LHX5: variants seen among roughly 807,000 people sequenced by gnomAD.
LHX5 encodes LIM/homeobox protein Lhx5.
A neutral mutation model predicts 30.6 loss-of-function variants in LHX5; 5 were observed. That is an observed-to-expected ratio of 0.16 (90% confidence interval 0.09 to 0.34). The LOEUF (loss-of-function observed/expected upper bound fraction) is 0.34, where lower values mean the gene tolerates loss of function less well. Among genes scored for constraint, LHX5 ranks in the 10% least tolerant of loss-of-function variants. LHX5 has a pLI of 1.00. For missense variants in LHX5, 458 were observed against 570.6 expected (o/e 0.80, Z 2.01); for synonymous variants, 266 against 252.6 (o/e 1.05, Z -0.50).
In LHX5 at chr12:113,470,496, G is replaced by T. The variant is rs144961326; in HGVS notation, c.173+830C>A. Reference sequence around the variant, plus strand: ...CCATTCAAATTCTCAGTGCGGAGTCGCTGGGGCCGGCAGGCTGCCTTTCTC... The same window carrying T: ...CCATTCAAATTCTCAGTGCGGAGTCTCTGGGGCCGGCAGGCTGCCTTTCTC... On this transcript the variant is annotated intron_variant, in intron 1 of 4. Coordinates refer to ENST00000261731, the MANE Select transcript of LHX5 (RefSeq NM_022363.3). Among the ~76,000 whole-genome samples the T allele has an allele frequency of 3.4e-3, 523 of 152,314 alleles. 1 individual carries two copies. Among genetic ancestry groups the T allele is most frequent in the South Asian group, 7.9e-3 (38 of 4,824 alleles).
intron 2 of LHX5, among the ~76,000 whole-genome samples, chr12:113,468,636 C>T (rs1958229020): frequency 6.6e-6 from 1 of 152,330 alleles, no homozygotes; most frequent in South Asian, 2.1e-4. Context: ...CCTCTCCGCG[C>T]GTCTCAGCTA....
rs765838906 is a variant in LHX5, at chr12:113,466,017, G to T, written c.841+1239C>A. ...CTAGGGGCCCCGGTCCGGTCTCAAG[G>T]TCTAATCCCCCCTCAGGCTTCCGGA... is the stretch of plus-strand genomic sequence containing the variant. On this transcript the variant is annotated intron_variant, in intron 4 of 4. Transcript: ENST00000261731. The surrounding 1 kb of genome is among the most constrained non-coding windows in gnomAD (Gnocchi z 6.5). 6.6e-6 allele frequency among the ~76,000 whole-genome samples: 1 copy of T among 152,304 alleles called. No homozygotes were observed. Among genetic ancestry groups the T allele is most frequent in the African/African-American group, 2.4e-5 (1 of 41,562 alleles).
In LHX5 at chr12:113,466,542, C is replaced by A. The variant is rs981191739; in HGVS notation, c.841+714G>T. Reference sequence around the variant, plus strand: ...ATCTGGGGTTGGCCCAACACTTGTGCCCCCAGTCTGTAGGAACCCCAGGGG... The same window carrying A: ...ATCTGGGGTTGGCCCAACACTTGTGACCCCAGTCTGTAGGAACCCCAGGGG... On this transcript the variant is annotated intron_variant, in intron 4 of 4. Coordinates refer to ENST00000261731, the MANE Select transcript of LHX5 (RefSeq NM_022363.3). The surrounding 1 kb of genome is among the most constrained non-coding windows in gnomAD (Gnocchi z 6.5). Among the ~76,000 whole-genome samples the A allele has an allele frequency of 6.6e-6, 1 of 152,184 alleles. No individual in the cohort carries two copies. The highest frequency in any genetic ancestry group is 2.4e-5 in the African/African-American group (1 of 41,426).
At position 113,468,397 on chromosome 12, in the gene LHX5, G is replaced by A; in HGVS notation, c.405C>T (p.Ser135=). ...CCGGGGACAAACTGCGGTCCGTACA[G>A]GATGACACTGCGGGCGGACGGATCG... ...LKEGSLNSVS[S]CTDRSLSPDL... is the part of the protein sequence containing the mutation. The change falls in exon 3 of 5, where the codon TCC becomes TCT. Residue 135 remains serine (S), a synonymous_variant. Coordinates refer to ENST00000261731, the MANE Select transcript of LHX5 (RefSeq NM_022363.3). 1 of 1,607,408 alleles carries A rather than the reference G, an allele frequency of 6.2e-7. No homozygotes were observed. Among genetic ancestry groups the A allele is most frequent in the Non-Finnish European group, 8.5e-7 (1 of 1,174,648 alleles).
chr12:113,463,292 G>C lies in LHX5; in HGVS notation c.1107C>G (p.Phe369Leu). 1 of 1,530,000 alleles carries C rather than the reference G, an allele frequency of 6.5e-7. No individual in the cohort carries two copies. Among genetic ancestry groups the C allele is most frequent in the Non-Finnish European group, 8.8e-7 (1 of 1,141,496 alleles). 94.8% of individuals were successfully genotyped at this position (1,530,000 alleles called of 1,614,324 possible). ...GGAAGGGCGGGCTGGGCCCGCCGCT[G>C]AATACCTCGCCGGGCATGGGGTGCA... ...GTLHPMPGEV[F>L]SGGPSPPFPM... Residue 369 changes from phenylalanine to leucine, a missense_variant, in exon 5 of 5, where the codon TTC (phenylalanine) becomes TTG (leucine). Coordinates refer to ENST00000261731, the MANE Select transcript of LHX5 (RefSeq NM_022363.3). The surrounding 1 kb of genome is among the most constrained non-coding windows in gnomAD (Gnocchi z 6.7).
rs1958179296 is a variant in LHX5 at position 113,462,432 on chromosome 12, C to G, written c.*758G>C. The G allele has an allele frequency of 6.6e-6, 1 of 152,240 alleles. No homozygotes were observed. Among genetic ancestry groups the G allele is most frequent in the Non-Finnish European group, 1.5e-5 (1 of 68,054 alleles). 9.4% of individuals were successfully genotyped at this position (152,240 alleles called of 1,614,324 possible). A position where few individuals can be genotyped will look rare whatever the true frequency, so the allele number is the denominator to read the frequency against. On this transcript the variant is annotated 3_prime_UTR_variant, in exon 5 of 5. Coordinates refer to ENST00000261731, the MANE Select transcript of LHX5 (RefSeq NM_022363.3). ...CGTGTTCGAGTCCGGCCTGCTCCCT[C>G]GGGCTCAACATAAACGTCAAAGTAA...
In LHX5 at chr12:113,463,708, C is replaced by G; in HGVS notation, c.842-151G>C. 4 of 772,938 alleles carry G rather than the reference C, an allele frequency of 5.2e-6. No homozygotes were observed. The highest frequency in any genetic ancestry group is 8.0e-6 in the Non-Finnish European group (4 of 502,848). The allele number at this position is 772,938 out of a possible 1,614,324, so 47.9% of individuals were successfully genotyped here. ...TAGAGAGACCTGCGGAGGCCGGCGCCCCTTGAGACGGTGGACGTCGCAGGC... is the reference window on the plus strand; with the variant it reads ...TAGAGAGACCTGCGGAGGCCGGCGCGCCTTGAGACGGTGGACGTCGCAGGC... On this transcript the variant is annotated intron_variant, in intron 4 of 4. Coordinates refer to ENST00000261731, the MANE Select transcript of LHX5 (RefSeq NM_022363.3). The surrounding 1 kb of genome is among the most constrained non-coding windows in gnomAD (Gnocchi z 6.7).
In LHX5 at chr12:113,467,473, C is replaced by A. The variant is rs777097571; in HGVS notation, c.676-52G>T. ...CCAGGATCAGGAGTGTCCTCTCCCC[C>A]CCTCTTCTCCCTTCCCTGACTGGGC... is the stretch of plus-strand genomic sequence containing the variant. On this transcript the variant is annotated intron_variant, in intron 3 of 4. Coordinates refer to ENST00000261731, the MANE Select transcript of LHX5 (RefSeq NM_022363.3). The surrounding 1 kb of genome is among the most constrained non-coding windows in gnomAD (Gnocchi z 6.3). 48 of 1,371,284 alleles carry A rather than the reference C, an allele frequency of 3.5e-5. No homozygotes were observed. The highest frequency in any genetic ancestry group is 4.5e-5 in the Non-Finnish European group (47 of 1,045,332). The allele number at this position is 1,371,284 out of a possible 1,614,324, so 84.9% of individuals were successfully genotyped here.
Position 113,466,726 on chromosome 12 carries a change from A to T in LHX5, c.841+530T>A, listed in dbSNP as rs1361784359. Among the ~76,000 whole-genome samples the T allele has an allele frequency of 1.3e-5, 2 of 152,046 alleles. No homozygotes were observed. The highest frequency in any genetic ancestry group is 1.5e-5 in the Non-Finnish European group (1 of 68,000). On this transcript the variant is annotated intron_variant, in intron 4 of 4. Coordinates refer to ENST00000261731, the MANE Select transcript of LHX5 (RefSeq NM_022363.3). The surrounding 1 kb of genome is among the most constrained non-coding windows in gnomAD (Gnocchi z 6.5). The stretch of plus-strand genomic sequence containing the variant: ...CGGCTTGGAATGAATCCAGACCCCC[A>T]TCCCCTCCCCTCACACTACCCTCCA...
At position 113,467,674 on chromosome 12, in the gene LHX5, C is replaced by A. The variant is rs1256087723; in HGVS notation, c.676-253G>T. Among the ~76,000 whole-genome samples, 1 of 152,222 alleles carries A rather than the reference C, an allele frequency of 6.6e-6. No individual in the cohort carries two copies. The highest frequency in any genetic ancestry group is 1.5e-5 in the Non-Finnish European group (1 of 68,034). On this transcript the variant is annotated intron_variant, in intron 3 of 4. Transcript: ENST00000261731. This position sits in a 1 kb window ranked among gnomAD's most constrained non-coding sequence, Gnocchi z 6.3. Reference sequence around the variant, plus strand: ...TGGGCTTCCTGGTCCCCGGCTCGCCCGCGGCCTGACGGCTCTATAAAGGCC... The same window carrying A: ...TGGGCTTCCTGGTCCCCGGCTCGCCAGCGGCCTGACGGCTCTATAAAGGCC...
At chr12:113,471,292 GGC>G in intron 1 of LHX5, 32 bp downstream of exon 1, 1 of 1,606,482 alleles carries the variant, frequency 6.2e-7, no homozygotes, top group Non-Finnish European at 8.5e-7. Flanking sequence ...GCGCAGGGTG[GGC>G]GCGCAGGCAG....
At position 113,465,968 on chromosome 12, in the gene LHX5, A is replaced by T. The variant is rs1991309; in HGVS notation, c.841+1288T>A. Among the ~76,000 whole-genome samples the T allele has an allele frequency of 2.7e-3, 417 of 152,202 alleles. No homozygotes were observed. The highest frequency in any genetic ancestry group is 3.4e-3 in the Non-Finnish European group (228 of 67,988). On this transcript the variant is annotated intron_variant, in intron 4 of 4. Coordinates refer to ENST00000261731, the MANE Select transcript of LHX5 (RefSeq NM_022363.3). This position sits in a 1 kb window ranked among gnomAD's most constrained non-coding sequence, Gnocchi z 6.7. ...CTGGGGTCTCTGCCCTGAAAAGCAC[A>T]GCCTGGCATTTTGCCCACAATTTCT...
At chr12:113,468,030 C>A (rs1958225371) in intron 3 of LHX5, 97 bp downstream of exon 3, 2 of 1,426,562 alleles carry the variant, frequency 1.4e-6, no homozygotes, top group Non-Finnish European at 9.2e-7. Context: ...CAGAACCAGG[C>A]GCGCTCGTAG....
rs1162736737 is a variant in LHX5, at chr12:113,465,379, G to C, written c.842-1822C>G. ...CGCCGCCTCCGCCCATATGGCGGCC[G>C]GGCCGGAGGTAATTGGAACAAACGC... On this transcript the variant is annotated intron_variant, in intron 4 of 4. Coordinates refer to ENST00000261731, the MANE Select transcript of LHX5 (RefSeq NM_022363.3). The surrounding 1 kb of genome is among the most constrained non-coding windows in gnomAD (Gnocchi z 6.7). 1.3e-5 allele frequency among the ~76,000 whole-genome samples: 2 copies of C among 152,316 alleles called. No individual in the cohort carries two copies. Among genetic ancestry groups the C allele is most frequent in the East Asian group, 1.9e-4 (1 of 5,164 alleles).
In LHX5 at chr12:113,469,162, G is replaced by A. The variant is rs1291998136; in HGVS notation, c.357C>T (p.Tyr119=). 3 of 1,614,174 alleles carry A rather than the reference G, an allele frequency of 1.9e-6. No homozygotes were observed. Among genetic ancestry groups the A allele is most frequent in the Non-Finnish European group, 2.5e-6 (3 of 1,180,026 alleles). Residue 119 remains tyrosine, a synonymous_variant, in exon 2 of 5, where the codon TAC becomes TAT. Transcript: ENST00000261731. ...CCTCCTTGAGGCTGGATGAGCTCAGGTAGTCGTCTTTGCACACGAACTTGT... is the reference window on the plus strand; with the variant it reads ...CCTCCTTGAGGCTGGATGAGCTCAGATAGTCGTCTTTGCACACGAACTTGT... ...DENKFVCKDD[Y]LSSSSLKEGS... is the part of the protein sequence containing the mutation.
At chr12:113,468,092 C>G (rs765371607) in intron 3 of LHX5, 35 bp downstream of exon 3, 44 of 1,481,178 alleles carry the variant, frequency 3.0e-5, no homozygotes, top group Non-Finnish European at 3.8e-5. Context: ...CCCAGGCCAG[C>G]GGGGCTAAGG....
chr12:113,464,888 C>T lies in LHX5; in HGVS notation c.842-1331G>A, dbSNP rs913073774. Among the ~76,000 whole-genome samples the T allele has an allele frequency of 6.6e-6, 1 of 152,204 alleles. No individual in the cohort carries two copies. Among genetic ancestry groups the T allele is most frequent in the African/African-American group, 2.4e-5 (1 of 41,452 alleles). On this transcript the variant is annotated intron_variant, in intron 4 of 4. Coordinates refer to ENST00000261731, the MANE Select transcript of LHX5 (RefSeq NM_022363.3). This position sits in a 1 kb window ranked among gnomAD's most constrained non-coding sequence, Gnocchi z 6.2. The stretch of plus-strand genomic sequence containing the variant: ...CTGACCGCCCCACATAGCCCCTTTT[C>T]CAGAACCTTCGGGATATCCTGCCTT...
In LHX5 at chr12:113,467,283, C is replaced by T. The variant is rs1247980430; in HGVS notation, c.814G>A (p.Gly272Arg). 2.0e-6 allele frequency: 3 copies of T among 1,530,222 alleles called. No homozygotes were observed. The highest frequency in any genetic ancestry group is 2.4e-5 in the South Asian group (2 of 82,214). The allele number at this position is 1,530,222 out of a possible 1,614,324, so 94.8% of individuals were successfully genotyped here. A position where few individuals can be genotyped will look rare whatever the true frequency, so the allele number is the denominator to read the frequency against. ...CCGTAGTAGGTGTACGGGGTGGACC[C>T]CAACATCTCAGACTCGTCCAAGCGG... Reference protein sequence around the residue: ...GGRLDESEMLGSTPYTYYGDY... With the variant: ...GGRLDESEMLRSTPYTYYGDY... The change falls in exon 4 of 5, where the codon GGG becomes AGG. Residue 272 changes from glycine (G) to arginine (R), a missense_variant. Coordinates refer to ENST00000261731, the MANE Select transcript of LHX5 (RefSeq NM_022363.3). This position sits in a 1 kb window ranked among gnomAD's most constrained non-coding sequence, Gnocchi z 6.3.
rs115064340 is a variant in LHX5 at position 113,470,068 on chromosome 12, T to C, written c.174-723A>G. Among the ~76,000 whole-genome samples the C allele has an allele frequency of 9.0e-3, 1,374 of 152,340 alleles. 21 individuals are homozygous for C. Among genetic ancestry groups the C allele is most frequent in the African/African-American group, 0.029 (1,203 of 41,582 alleles). On this transcript the variant is annotated intron_variant, in intron 1 of 4. Coordinates refer to ENST00000261731, the MANE Select transcript of LHX5 (RefSeq NM_022363.3). ...GGGGAATGTGAATAGAGGACAATCA[T>C]AGATCCTGCAAGGCCAGGACAGGAA...
Sources: gnomAD v4.1 joint callset for allele counts (sites outside exome capture counted in the v4.1 genomes callset) on GRCh38, gnomAD v4.1.1 for gene constraint, Gnocchi (gnomAD v3.1) non-coding constraint, MANE v1.5 for transcripts, NCBI Gene and HGNC (gene_info 2026-07-23, HGNC 2026-07-21) for gene names.